LRFN5: variants seen among roughly 807,000 people sequenced by gnomAD.
LRFN5 encodes the protein leucine-rich repeat and fibronectin type-III domain-containing protein 5.
In LRFN5, 24 loss-of-function variants were observed where a neutral mutation model predicts 45.6. That is an observed-to-expected ratio of 0.53 (90% CI 0.38 to 0.74). LRFN5 has a LOEUF of 0.74. Among genes scored for constraint, LRFN5 ranks in the 30% least tolerant of loss-of-function variants. The probability of loss-of-function intolerance (pLI) is 0.00; values close to 1 mark genes in which losing one functional copy is unlikely to be tolerated. For missense variants in LRFN5, 776 were observed against 861.5 expected (o/e 0.90, Z 1.24); for synonymous variants, 340 against 313.8 (o/e 1.08, Z -0.88).
intron 1 of LRFN5, among the ~76,000 whole-genome samples, chr14:41,734,639 G>A (rs1338739178): frequency 6.7e-6 from 1 of 150,312 alleles, no homozygotes; most frequent in Non-Finnish European, 1.5e-5. Context: ...TCTTTCAATT[G>A]TGAAATTAAA....
At chr14:41,627,653 G>T (rs1279242373) in intron 1 of LRFN5, among the ~76,000 whole-genome samples, 1 of 152,076 alleles carries the variant, frequency 6.6e-6, no homozygotes, top group South Asian at 2.1e-4. Flanking sequence ...ATTGATAAAG[G>T]AATCGACAAC....
intron 2 of LRFN5, among the ~76,000 whole-genome samples, chr14:41,773,171 C>A (rs765656116): frequency 2.4e-4 from 36 of 152,070 alleles, no homozygotes; most frequent in Non-Finnish European, 4.3e-4. Flanking sequence ...CCCCATCATG[C>A]CCTTCTTGCA....
At chr14:41,735,337 G>A (rs1884378082) in intron 1 of LRFN5, among the ~76,000 whole-genome samples, 1 of 152,032 alleles carries the variant, frequency 6.6e-6, no homozygotes, top group South Asian at 2.1e-4. Flanking sequence ...GCACAATCAT[G>A]GCTCACTGAA....
intron 2 of LRFN5, among the ~76,000 whole-genome samples, chr14:41,773,561 GTC>G (rs376391727): frequency 5.3e-5 from 8 of 149,800 alleles, no homozygotes; most frequent in South Asian, 2.1e-4. Flanking sequence ...CTCTCTCTTT[GTC>G]TCTCTCTCTC....
chr14:41,867,400 A>C (rs1239264908), intron 2 of LRFN5, among the ~76,000 whole-genome samples: 2 of 152,026 alleles, frequency 1.3e-5, no homozygotes, highest in Non-Finnish European at 2.9e-5. Context: ...GCACATGGTG[A>C]AAATCCTAAT....
At chr14:41,710,543 A>G (rs532706705) in intron 1 of LRFN5, among the ~76,000 whole-genome samples, 1 of 152,238 alleles carries the variant, frequency 6.6e-6, no homozygotes, top group Admixed American at 6.5e-5. Flanking sequence ...TCATTTTGTT[A>G]TAACTAACAA....
Position 41,734,020 on chromosome 14 carries a change from TTTTCTTTTC to T in LRFN5, c.-196-32830_-196-32822del, listed in dbSNP as rs1162875752. Among the ~76,000 whole-genome samples the T allele has an allele frequency of 1.2e-3, 147 of 118,546 alleles. 1 individual carries two copies. Among genetic ancestry groups the T allele is most frequent in the African/African-American group, 4.9e-3 (122 of 25,130 alleles). 77.8% of individuals were successfully genotyped at this position (118,546 alleles called of 152,430 possible). ...ATGTATATATATATTTTTTCTTTTC[TTTTCTTTTC>T]TTTTTTTTTTTTTGTGATGGAGTTT... On this transcript the variant is annotated intron_variant, in intron 1 of 5. Transcript: ENST00000298119.
intron 1 of LRFN5, among the ~76,000 whole-genome samples, chr14:41,664,128 T>C (rs1880784898): frequency 6.6e-6 from 1 of 152,020 alleles, no homozygotes; most frequent in Admixed American, 6.6e-5. Context: ...CTACAAGTGT[T>C]TGCAAATCAT....
chr14:41,873,133 A>G (rs1890074096), intron 2 of LRFN5, among the ~76,000 whole-genome samples: 1 of 152,078 alleles, frequency 6.6e-6, no homozygotes, highest in Non-Finnish European at 1.5e-5. Flanking sequence ...GCTGCTGCTT[A>G]TGGAGAATCT....
At chr14:41,796,580 A>G (rs976463299) in intron 2 of LRFN5, among the ~76,000 whole-genome samples, 1 of 151,914 alleles carries the variant, frequency 6.6e-6, no homozygotes, top group African/African-American at 2.4e-5. Flanking sequence ...TGTTATAAGT[A>G]CTTTAGTATA....
At chr14:41,721,651 C>T (rs72686527) in intron 1 of LRFN5, among the ~76,000 whole-genome samples, 25,533 of 152,078 alleles carry the variant, frequency 0.17, 2,326 homozygotes, top group Non-Finnish European at 0.22. Context: ...ATATGATATT[C>T]TGGGTTTTAA....
chr14:41,881,654 A>C (rs1890384674), intron 2 of LRFN5, among the ~76,000 whole-genome samples: 1 of 152,092 alleles, frequency 6.6e-6, no homozygotes, highest in African/African-American at 2.4e-5. Flanking sequence ...TAATCATTCA[A>C]ATACTTTTCC....
At chr14:41,897,896 G>A (rs1282920549) in intron 4 of LRFN5, among the ~76,000 whole-genome samples, 1 of 152,006 alleles carries the variant, frequency 6.6e-6, no homozygotes, top group Non-Finnish European at 1.5e-5. Context: ...CTGACACATA[G>A]GCTATGTACA....
chr14:41,730,797 T>C (rs565212895), intron 1 of LRFN5, among the ~76,000 whole-genome samples: 1 of 151,872 alleles, frequency 6.6e-6, no homozygotes, highest in African/African-American at 2.4e-5. Context: ...GCCACCAAAA[T>C]GGTATGGTTT....
chr14:41,763,081 TG>T (rs1156352764), intron 1 of LRFN5, among the ~76,000 whole-genome samples: 1 of 152,192 alleles, frequency 6.6e-6, no homozygotes, highest in African/African-American at 2.4e-5. Flanking sequence ...GGGCTTTCAA[TG>T]GGTCAAAACT....
chr14:41,834,768 T>A (rs1888603832), intron 2 of LRFN5, among the ~76,000 whole-genome samples: 1 of 152,054 alleles, frequency 6.6e-6, no homozygotes, highest in African/African-American at 2.4e-5. Context: ...GCTCAAGTGA[T>A]CCTCCCACCT....
chr14:41,797,912 A>G (rs1887188605), intron 2 of LRFN5, among the ~76,000 whole-genome samples: 1 of 151,840 alleles, frequency 6.6e-6, no homozygotes, highest in African/African-American at 2.4e-5. Flanking sequence ...TGTTTTTAAA[A>G]ATTTGTTGGT....
Position 41,781,682 on chromosome 14 carries a change from GAGAA to G in LRFN5, c.-21+14663_-21+14666del, listed in dbSNP as rs201738329. ...GAAAGAAAGGAAAGAAAGAAAGAAA[GAGAA>G]AGAAAGAAAAAGAGAAAGAAAAAGA... On this transcript the variant is annotated intron_variant, in intron 2 of 5. Coordinates refer to ENST00000298119, the MANE Select transcript of LRFN5 (RefSeq NM_152447.5). Among the ~76,000 whole-genome samples the G allele has an allele frequency of 7.0e-3, 1,055 of 149,778 alleles. 6 individuals are homozygous for G. Among genetic ancestry groups the G allele is most frequent in the Non-Finnish European group, 8.3e-3 (560 of 67,134 alleles).
In LRFN5 at chr14:41,678,769, G is replaced by T. The variant is rs764374102; in HGVS notation, c.-197+70207G>T. Among the ~76,000 whole-genome samples, 110 of 152,220 alleles carry T rather than the reference G, an allele frequency of 7.2e-4. 1 individual carries two copies. The highest frequency in any genetic ancestry group is 1.2e-3 in the Non-Finnish European group (82 of 68,012). ...ATTGAGCTACTATCCACACAAGAAA[G>T]CACCTTCTAAAAACCAAAAATCATA... On this transcript the variant is annotated intron_variant, in intron 1 of 5. Transcript: ENST00000298119.
Sources: allele counts gnomAD v4.1 joint callset (sites outside exome capture counted in the v4.1 genomes callset), GRCh38; gene constraint gnomAD v4.1.1; transcripts MANE v1.5; gene names NCBI Gene and HGNC (gene_info 2026-07-23, HGNC 2026-07-21).